MYLK2: variants seen among roughly 807,000 people sequenced by gnomAD.
The protein encoded by MYLK2 is myosin light chain kinase 2, skeletal/cardiac muscle.
MYLK2 carries 27 observed loss-of-function variants against 58.2 expected under a neutral mutation model. The observed-to-expected ratio is 0.46, with a 90% CI of 0.34 to 0.64. The LOEUF (loss-of-function observed/expected upper bound fraction) is 0.64, where lower values mean the gene tolerates loss of function less well. Among genes scored for constraint, MYLK2 ranks in the 30% least tolerant of loss-of-function variants. The pLI, the probability that MYLK2 is intolerant of heterozygous loss-of-function variation, is 0.01. For missense variants in MYLK2, 676 were observed against 764.3 expected, an observed-to-expected ratio of 0.88 and a Z score of 1.36; for synonymous variants, 310 against 296.7, an observed-to-expected ratio of 1.04 and a Z score of -0.46.
At chr20:31,821,405 CTGAGG>C in intron 3 of MYLK2, 29 bp from the exon 4 acceptor site, 1 of 1,611,710 alleles carries the variant, frequency 6.2e-7, no homozygotes, top group Non-Finnish European at 8.5e-7. Context: ...GCTGTGGCCG[CTGAGG>C]GCTTCACCTC....
intron 5 of MYLK2, among the ~76,000 whole-genome samples, 175 bp downstream of exon 5, chr20:31,823,757 C>T (rs2062264116): frequency 6.6e-6 from 1 of 152,244 alleles, no homozygotes; most frequent in African/African-American, 2.4e-5. Flanking sequence ...TGCTGATGTG[C>T]ACTCAGTGTT....
At chr20:31,833,659 C>T in intron 12 of MYLK2, 58 bp from the exon 13 acceptor site, 1 of 1,486,248 alleles carries the variant, frequency 6.7e-7, no homozygotes, top group Non-Finnish European at 9.4e-7. Context: ...GCTCAGACAC[C>T]CTGCAGCTGC....
rs779291493 is a variant in MYLK2, at chr20:31,820,183, G to A, written c.110G>A (p.Gly37Asp). The A allele has an allele frequency of 7.4e-6, 12 of 1,613,846 alleles. No homozygotes were observed. In the East Asian group the frequency reaches 2.7e-4, roughly 36 times the overall value. Reference protein sequence around the residue: ...ERPLAAGKDPGPPDPKKAPDP... With the variant: ...ERPLAAGKDPDPPDPKKAPDP... ...CCCCTGGCTGCAGGGAAAGACCCTG[G>A]CCCCCCAGACCCAAAGAAAGCTCCG... The change falls in exon 3 of 13, where the codon GGC becomes GAC. Residue 37 changes from glycine (G) to aspartate (D), a missense_variant. Gly to Asp is a moderately conservative substitution (Grantham distance 94, BLOSUM62 -1). This residue lies in a region of MYLK2 where 306 missense variants were observed against 296.5 expected (regional missense o/e 1.03). Coordinates refer to ENST00000375985, the MANE Select transcript of MYLK2 (RefSeq NM_033118.4).
intron 4 of MYLK2, 130 bp from the exon 5 acceptor site, chr20:31,823,347 G>A: frequency 1.3e-6 from 1 of 776,144 alleles, no homozygotes; most frequent in Non-Finnish European, 2.2e-6. Flanking sequence ...CTGGAGCCAG[G>A]TGTCCCCCAG....
Position 31,831,085 on chromosome 20 carries a change from T to C in MYLK2, c.1368T>C (p.Tyr456=), listed in dbSNP as rs2062304195. The C allele has an allele frequency of 6.2e-7, 1 of 1,614,146 alleles. No homozygotes were observed. ...TCCTGTCACCTGAGGTGGTGAATTA[T>C]GACCAAATCTCCGATAAGACAGACA... is the stretch of plus-strand genomic sequence containing the variant. ...PEFLSPEVVN[Y]DQISDKTDMW... The change falls in exon 10 of 13, where the codon TAT becomes TAC. Residue 456 remains tyrosine (Y), a synonymous_variant. Transcript: ENST00000375985.
chr20:31,825,308 C>G (rs1327999071), intron 6 of MYLK2, among the ~76,000 whole-genome samples: 1 of 152,164 alleles, frequency 6.6e-6, no homozygotes, highest in South Asian at 2.1e-4. Flanking sequence ...CTCCTAGGTC[C>G]CAGGCCTCTG....
chr20:31,828,366 G>A (rs1421058847), intron 8 of MYLK2: 1 of 985,240 alleles, frequency 1.0e-6, no homozygotes, highest in Non-Finnish European at 1.2e-6. Context: ...TAATGTGGAG[G>A]CGCGTGAGCA....
chr20:31,831,910 T>G (rs1462084063), intron 11 of MYLK2, 55 bp downstream of exon 11: 1 of 1,613,494 alleles, frequency 6.2e-7, no homozygotes, highest in Non-Finnish European at 8.5e-7. Context: ...TGTGTCTGAG[T>G]GCTGGCAGGG....
chr20:31,830,820 CAG>C lies in MYLK2; in HGVS notation c.1230_1231del (p.Asn411HisfsTer15). 1 of 1,613,666 alleles carries C rather than the reference CAG, an allele frequency of 6.2e-7. No homozygotes were observed. The highest frequency in any genetic ancestry group is 8.5e-7 in the Non-Finnish European group (1 of 1,179,858). ...CCAGGCCACCCCCTTTCTCCTCAGC[CAG>C]AGAACATCCTGTGTGTCAACACCAC... On this transcript the variant is annotated frameshift_variant and splice_region_variant, in exon 9 of 13. Coordinates refer to ENST00000375985, the MANE Select transcript of MYLK2 (RefSeq NM_033118.4). LOFTEE classifies it high-confidence loss of function.
rs756224167 is a variant in MYLK2 at position 31,820,477 on chromosome 20, G to A, written c.404G>A (p.Gly135Asp). ...KPRVGKKAAE[G>D]QAAARRGSPA... ...AGGGTGGGCAAGAAGGCAGCAGAGG[G>A]CCAAGCAGCAGCCAGGAGGGGCTCA... The change falls in exon 3 of 13, where the codon GGC becomes GAC. Residue 135 changes from glycine (G) to aspartate (D), a missense_variant. Gly to Asp is a moderately conservative substitution (Grantham distance 94). Around this residue, in one of 2 missense-constraint regions of MYLK2, gnomAD observed 306 missense variants for 296.5 expected, o/e 1.03. Transcript: ENST00000375985. 6.2e-7 allele frequency: 1 copy of A among 1,610,098 alleles called. No homozygotes were observed. Among genetic ancestry groups the A allele is most frequent in the Non-Finnish European group, 8.5e-7 (1 of 1,180,002 alleles).
chr20:31,830,092 C>T (rs894186013), intron 8 of MYLK2, among the ~76,000 whole-genome samples: 18 of 152,298 alleles, frequency 1.2e-4, no homozygotes, highest in African/African-American at 4.1e-4. Flanking sequence ...TTCCTGGCTC[C>T]GTCGCTTACT....
In MYLK2 at chr20:31,821,427, C is replaced by G; in HGVS notation, c.474-12C>G. The G allele has an allele frequency of 6.2e-7, 1 of 1,612,864 alleles. No homozygotes were observed. Among genetic ancestry groups the G allele is most frequent in the Non-Finnish European group, 8.5e-7 (1 of 1,180,028 alleles). ...CCGCTGAGGGCTTCACCTCTGTGTT[C>G]TCACCTTCTAGTTCTGAGAAGCTGC... On this transcript the variant is annotated splice_polypyrimidine_tract_variant and intron_variant, in intron 3 of 12. Transcript: ENST00000375985.
chr20:31,823,655 C>T, intron 5 of MYLK2, 73 bp downstream of exon 5: 1 of 1,418,500 alleles, frequency 7.0e-7, no homozygotes, highest in Non-Finnish European at 9.9e-7. Flanking sequence ...CACATTTCCC[C>T]TGTGCAAGGC....
chr20:31,823,501 C>G lies in MYLK2; in HGVS notation c.797C>G (p.Pro266Arg), dbSNP rs1159002422. The G allele has an allele frequency of 1.9e-6, 3 of 1,613,582 alleles. No homozygotes were observed. Among genetic ancestry groups the G allele is most frequent in the Non-Finnish European group, 2.5e-6 (3 of 1,180,026 alleles). Reference sequence around the variant, plus strand: ...GATGATTGCCCGCCACCTCCGGCCCCCTTCCCTCACCGCATGGTGGAGCTG... The same window carrying G: ...GATGATTGCCCGCCACCTCCGGCCCGCTTCCCTCACCGCATGGTGGAGCTG... ...ILDDCPPPPA[P>R]FPHRMVELRT... The change falls in exon 5 of 13, where the codon CCC (proline) becomes CGC (arginine). Residue 266 changes from proline to arginine, a missense_variant. Transcript: ENST00000375985.
chr20:31,828,198 G>A (rs1036168959), intron 8 of MYLK2: 2 of 985,228 alleles, frequency 2.0e-6, no homozygotes, highest in Admixed American at 6.2e-5. Context: ...ACAGATAGGT[G>A]TATACATTGC....
rs193922712 is a variant in MYLK2 at position 31,821,560 on chromosome 20, A to G, written c.595A>G (p.Ile199Val). Residue 199 changes from isoleucine to valine, a missense_variant, in exon 4 of 13, where the codon ATC (isoleucine) becomes GTC (valine). Transcript: ENST00000375985. ...RPAKAEEGKNILAESQKEVGE... is the reference protein window; with the variant it reads ...RPAKAEEGKNVLAESQKEVGE... Reference sequence around the variant, plus strand: ...AGCCAAGGCAGAAGAAGGAAAGAACATCCTGGCAGAGAGCCAGAAGGAAGT... The same window carrying G: ...AGCCAAGGCAGAAGAAGGAAAGAACGTCCTGGCAGAGAGCCAGAAGGAAGT... 3.0e-5 allele frequency: 49 copies of G among 1,614,020 alleles called. No individual in the cohort carries two copies. The highest frequency in any genetic ancestry group is 1.7e-5 in the Admixed American group (1 of 60,014).
At chr20:31,823,851 G>C in intron 5 of MYLK2, 1 of 743,042 alleles carries the variant, frequency 1.3e-6, no homozygotes, top group African/African-American at 1.9e-5. Flanking sequence ...CTCAGCTCCA[G>C]GCACCACACT....
intron 6 of MYLK2, among the ~76,000 whole-genome samples, chr20:31,825,149 G>A (rs1001555277): frequency 2.6e-5 from 4 of 152,232 alleles, no homozygotes; most frequent in Admixed American, 6.5e-5. Context: ...GCACAGGCCC[G>A]ACCCCAGTGA....
At chr20:31,828,345 A>G (rs1210895943) in intron 8 of MYLK2, 5 of 985,276 alleles carry the variant, frequency 5.1e-6, no homozygotes, top group Non-Finnish European at 6.0e-6. Context: ...AAGTGGCGGG[A>G]CATGGAATCT....
Sources: allele counts gnomAD v4.1 joint callset (sites outside exome capture counted in the v4.1 genomes callset), GRCh38; gene constraint gnomAD v4.1.1; regional missense constraint gnomAD v4.1.1; transcripts MANE v1.5; gene names NCBI Gene and HGNC (gene_info 2026-07-23, HGNC 2026-07-21).